The following ENOX1 variants were observed in gnomAD, a reference collection of about 807,000 sequenced individuals.
ENOX1 encodes the protein candidate growth-related and time keeping constitutive hydroquinone (NADH) oxidase.
Under a neutral mutation model 82.5 loss-of-function variants are expected in ENOX1, and 42 were observed. That is an observed-to-expected ratio of 0.51 (90% CI 0.40 to 0.66). The LOEUF (loss-of-function observed/expected upper bound fraction) is 0.66. Among genes scored for constraint, ENOX1 ranks in the 30% least tolerant of loss-of-function variants. The probability of loss-of-function intolerance (pLI) is 0.00; values close to 1 mark genes in which losing one functional copy is unlikely to be tolerated. For synonymous variants in ENOX1, 271 were observed against 282.2 expected (o/e 0.96, Z 0.40); for missense variants, 608 against 811.6 (o/e 0.75, Z 3.05).
intron 9 of ENOX1, among the ~76,000 whole-genome samples, chr13:43,341,881 A>C (rs966199653): frequency 5.3e-5 from 8 of 152,212 alleles, no homozygotes; most frequent in African/African-American, 1.7e-4. Context: ...CTGCCTAATG[A>C]AACCTACATG....
At chr13:43,574,981 T>C (rs753022148) in intron 2 of ENOX1, among the ~76,000 whole-genome samples, 3 of 152,172 alleles carry the variant, frequency 2.0e-5, no homozygotes, top group Non-Finnish European at 4.4e-5. Flanking sequence ...CCTGGGGAGA[T>C]GGCATGACAA....
intron 3 of ENOX1, among the ~76,000 whole-genome samples, chr13:43,461,159 A>G (rs1248940311): frequency 6.6e-6 from 1 of 152,264 alleles, no homozygotes; most frequent in African/African-American, 2.4e-5. Context: ...GAAGTTCCCC[A>G]GCCAATTCTC....
chr13:43,676,973 C>T (rs2085540768), intron 1 of ENOX1, among the ~76,000 whole-genome samples: 1 of 151,930 alleles, frequency 6.6e-6, no homozygotes. Context: ...GAAACTTGCC[C>T]TGCCATTAAA....
intron 15 of ENOX1, among the ~76,000 whole-genome samples, chr13:43,233,791 T>C (rs1351483045): frequency 1.3e-5 from 2 of 152,230 alleles, no homozygotes; most frequent in East Asian, 3.8e-4. Context: ...TGCCAATTAA[T>C]GTTTCCAAGT....
At chr13:43,710,361 C>T (rs766649706) in intron 1 of ENOX1, among the ~76,000 whole-genome samples, 4 of 152,100 alleles carry the variant, frequency 2.6e-5, no homozygotes, top group South Asian at 2.1e-4. Context: ...AAAAAAATCA[C>T]TTGGTTATCT....
intron 2 of ENOX1, among the ~76,000 whole-genome samples, chr13:43,563,400 G>C (rs1179407427): frequency 1.3e-5 from 2 of 151,968 alleles, no homozygotes; most frequent in Non-Finnish European, 2.9e-5. Context: ...AGTTAGAAAA[G>C]GGAAGTTTAT....
intron 9 of ENOX1, among the ~76,000 whole-genome samples, chr13:43,337,901 A>G (rs1490934138): frequency 6.6e-6 from 1 of 152,138 alleles, no homozygotes; most frequent in Non-Finnish European, 1.5e-5. Flanking sequence ...GTTTGGCCCA[A>G]CCCTTTAAGA....
chr13:43,216,348 A>G (rs1201880804), intron 16 of ENOX1, among the ~76,000 whole-genome samples: 3 of 152,182 alleles, frequency 2.0e-5, no homozygotes, highest in Non-Finnish European at 4.4e-5. Context: ...TATTGTAAGG[A>G]TTATATGTAA....
At chr13:43,570,610 T>C (rs533050095) in intron 2 of ENOX1, among the ~76,000 whole-genome samples, 1 of 152,268 alleles carries the variant, frequency 6.6e-6, no homozygotes, top group South Asian at 2.1e-4. Context: ...GAAAGGGGTG[T>C]GCAGGGCAAA....
chr13:43,359,843 C>T lies in ENOX1; in HGVS notation c.589+8G>A. 2 of 1,613,362 alleles carry T rather than the reference C, an allele frequency of 1.2e-6. No homozygotes were observed. The highest frequency in any genetic ancestry group is 1.7e-6 in the Non-Finnish European group (2 of 1,179,374). On this transcript the variant is annotated splice_region_variant and intron_variant, in intron 7 of 16. Coordinates refer to ENST00000690772, the MANE Select transcript of ENOX1 (RefSeq NM_001347969.2). ...TGCCTAGAAAACTCCTTATGTAATG[C>T]AAAGTACCAGAAAGGTAAATGGCTT...
Position 43,416,816 on chromosome 13 carries a change from G to A in ENOX1, c.-74-3828C>T, listed in dbSNP as rs568341295. Reference sequence around the variant, plus strand: ...CCACTTCCTAGATGGGGTGGCGGCCGGGCAGAGGCTGTAATCTTAGCACTT... The same window carrying A: ...CCACTTCCTAGATGGGGTGGCGGCCAGGCAGAGGCTGTAATCTTAGCACTT... On this transcript the variant is annotated intron_variant, in intron 3 of 16. Transcript: ENST00000690772. Among the ~76,000 whole-genome samples the A allele has an allele frequency of 4.6e-5, 7 of 152,302 alleles. No homozygotes were observed. The South Asian group carries it at 6.2e-4, about 14-fold the overall frequency.
intron 5 of ENOX1, among the ~76,000 whole-genome samples, chr13:43,382,029 C>T (rs1018834796): frequency 6.6e-6 from 1 of 152,012 alleles, no homozygotes; most frequent in East Asian, 1.9e-4. Context: ...TCCAGCATTA[C>T]TTTTGTTACT....
chr13:43,634,451 CA>C (rs2153752110), intron 2 of ENOX1, among the ~76,000 whole-genome samples: 1 of 152,240 alleles, frequency 6.6e-6, no homozygotes, highest in East Asian at 1.9e-4. Flanking sequence ...ACCTACTAAA[CA>C]AGGATAGTAA....
chr13:43,695,957 C>T (rs1191918814), intron 1 of ENOX1, among the ~76,000 whole-genome samples: 2 of 152,154 alleles, frequency 1.3e-5, no homozygotes, highest in African/African-American at 2.4e-5. Context: ...CATCCCCCCA[C>T]TACAACCCAT....
At chr13:43,507,359 A>G (rs540820642) in intron 2 of ENOX1, among the ~76,000 whole-genome samples, 1 of 152,158 alleles carries the variant, frequency 6.6e-6, no homozygotes, top group Non-Finnish European at 1.5e-5. Context: ...GAAGAAAAGA[A>G]TCATAACCAG....
At chr13:43,475,601 G>A (rs2058245061) in intron 3 of ENOX1, among the ~76,000 whole-genome samples, 1 of 151,950 alleles carries the variant, frequency 6.6e-6, no homozygotes, top group Non-Finnish European at 1.5e-5. Context: ...TTTGAGAAGT[G>A]GTGAGATCAT....
chr13:43,408,485 G>C (rs7323437), intron 5 of ENOX1, among the ~76,000 whole-genome samples: 29,905 of 152,038 alleles, frequency 0.2, 3,601 homozygotes, highest in East Asian at 0.52. Context: ...TGGAAGGAAG[G>C]TTACACTAAA....
At chr13:43,559,884 A>T (rs1421841463) in intron 2 of ENOX1, among the ~76,000 whole-genome samples, 1 of 152,210 alleles carries the variant, frequency 6.6e-6, no homozygotes, top group Non-Finnish European at 1.5e-5. Context: ...AAATGCTTTA[A>T]TATACTCTAG....
At chr13:43,426,944 G>A (rs1240099385) in intron 3 of ENOX1, among the ~76,000 whole-genome samples, 1 of 151,968 alleles carries the variant, frequency 6.6e-6, no homozygotes, top group Non-Finnish European at 1.5e-5. Context: ...ACTTTAATAG[G>A]GGTCACCACC....
Sources: allele counts gnomAD v4.1 joint callset (sites outside exome capture counted in the v4.1 genomes callset), GRCh38; gene constraint gnomAD v4.1.1; transcripts MANE v1.5; gene names NCBI Gene and HGNC (gene_info 2026-07-23, HGNC 2026-07-21).